DGAT1: variants seen among roughly 807,000 people sequenced by gnomAD.
DGAT1 encodes diacylglycerol O-acyltransferase 1, also known as ACAT related gene product 1.
In DGAT1, 60 loss-of-function variants were observed where a neutral mutation model predicts 72.6. That is an observed-to-expected ratio of 0.83 (90% CI 0.67 to 1.02). The LOEUF (loss-of-function observed/expected upper bound fraction) is 1.02, where lower values mean the gene tolerates loss of function less well. Ranked by LOEUF, DGAT1 falls within the 50% of genes least tolerant of loss-of-function variation. The pLI, the probability that DGAT1 is intolerant of heterozygous loss-of-function variation, is 0.00. For missense variants in DGAT1, 592 were observed against 670.0 expected, an observed-to-expected ratio of 0.88 and a Z score of 1.29; for synonymous variants, 290 against 267.5, an observed-to-expected ratio of 1.08 and a Z score of -0.82.
At chr8:144,317,632 C>T (rs184637960) in intron 11 of DGAT1, 39 bp downstream of exon 11, 1 of 1,613,948 alleles carries the variant, frequency 6.2e-7, no homozygotes, top group Non-Finnish European at 8.5e-7. Flanking sequence ...CTGGTCACTC[C>T]CCAGCCACCC....
Position 144,314,637 on chromosome 8 carries a change from G to A in DGAT1, c.*1917C>T, listed in dbSNP as rs1002068617. On this transcript the variant is annotated 3_prime_UTR_variant, in exon 17 of 17. Coordinates refer to ENST00000528718, the MANE Select transcript of DGAT1 (RefSeq NM_012079.6). ...TTTTTACACAACTGTCCCGTTCCCC[G>A]CTCCACAGAGATACACAGATATATA... 1.5e-4 allele frequency: 65 copies of A among 432,128 alleles called. No homozygotes were observed. The highest frequency in any genetic ancestry group is 9.6e-4 in the African/African-American group (49 of 50,844). 26.8% of individuals were successfully genotyped at this position (432,128 alleles called of 1,614,324 possible).
chr8:144,324,764 A>G (rs1299589191), intron 1 of DGAT1, among the ~76,000 whole-genome samples: 1 of 151,766 alleles, frequency 6.6e-6, no homozygotes, highest in Non-Finnish European at 1.5e-5. Flanking sequence ...CTCATCTCAC[A>G]CTAAAAAAAA....
rs1554848796 is a variant in DGAT1, at chr8:144,326,490, CG to C, written c.146del (p.Pro49ArgfsTer18). On this transcript the variant is annotated frameshift_variant, in exon 1 of 17. Coordinates refer to ENST00000528718, the MANE Select transcript of DGAT1 (RefSeq NM_012079.6). LOFTEE classifies it high-confidence loss of function. Reference protein sequence around the residue: ...DVGAAGDAPAPAPNKDGDAGV... With the variant: ...DVGAAGDAPAXAPNKDGDAGV... Reference sequence around the variant, plus strand: ...CGGCGTCTCCGTCCTTGTTGGGGGCCGGGGCTGGCGCGTCCCCCGCGGCTCC... The same window carrying C: ...CGGCGTCTCCGTCCTTGTTGGGGGCCGGGCTGGCGCGTCCCCCGCGGCTCC... The C allele has an allele frequency of 3.1e-6, 4 of 1,290,750 alleles. No individual in the cohort carries two copies. The highest frequency in any genetic ancestry group is 2.3e-5 in the South Asian group (1 of 42,748). 80.0% of individuals were successfully genotyped at this position (1,290,750 alleles called of 1,614,324 possible). A position where few individuals can be genotyped will look rare whatever the true frequency, so the allele number is the denominator to read the frequency against.
chr8:144,318,868 G>A lies in DGAT1; in HGVS notation c.382C>T (p.Pro128Ser). 6.2e-7 allele frequency: 1 copy of A among 1,612,012 alleles called. No homozygotes were observed. The highest frequency in any genetic ancestry group is 8.5e-7 in the Non-Finnish European group (1 of 1,179,148). The change falls in exon 4 of 17, where the codon CCC becomes TCC. Residue 128 changes from proline to serine, a missense_variant. Physicochemically the swap from Pro to Ser is moderately conservative, Grantham distance 74. Coordinates refer to ENST00000528718, the MANE Select transcript of DGAT1 (RefSeq NM_012079.6). ...IQVVSLFLKDPYSWPAPCLVI... is the reference protein window; with the variant it reads ...IQVVSLFLKDSYSWPAPCLVI... ...AGGCATGGGGCGGGCCAGCTATAGG[G>A]ATCCTTCAGGAACAGAGAAACCACC...
rs1817357571 is a variant in DGAT1 at position 144,318,976 on chromosome 8, G to A, written c.329+52C>T. ...GTGGCAGGTGGGGCTGTGGGGCGGG[G>A]CCTGGACAGGCCATGGGTGGGGCAG... is the stretch of plus-strand genomic sequence containing the variant. On this transcript the variant is annotated intron_variant, in intron 3 of 16. Transcript: ENST00000528718. 1.4e-5 allele frequency: 20 copies of A among 1,421,104 alleles called. No homozygotes were observed. The South Asian group carries it at 2.2e-4, about 15-fold the overall frequency. The allele number at this position is 1,421,104 out of a possible 1,614,324, so 88.0% of individuals were successfully genotyped here. A position where few individuals can be genotyped will look rare whatever the true frequency, so the allele number is the denominator to read the frequency against.
At position 144,314,630 on chromosome 8, in the gene DGAT1, G is replaced by A. The variant is rs782044586; in HGVS notation, c.*1924C>T. On this transcript the variant is annotated 3_prime_UTR_variant, in exon 17 of 17. Coordinates refer to ENST00000528718, the MANE Select transcript of DGAT1 (RefSeq NM_012079.6). The stretch of plus-strand genomic sequence containing the variant: ...TTTTGGATTTTTACACAACTGTCCC[G>A]TTCCCCGCTCCACAGAGATACACAG... 46 of 460,496 alleles carry A rather than the reference G, an allele frequency of 1.0e-4. No homozygotes were observed. The highest frequency in any genetic ancestry group is 6.0e-4 in the Middle Eastern group (1 of 1,666). 28.5% of individuals were successfully genotyped at this position (460,496 alleles called of 1,614,324 possible).
In DGAT1 at chr8:144,318,486, G is replaced by C; in HGVS notation, c.549C>G (p.Val183=). The C allele has an allele frequency of 1.2e-6, 2 of 1,611,472 alleles. No individual in the cohort carries two copies. The highest frequency in any genetic ancestry group is 4.5e-5 in the East Asian group (2 of 44,874). Residue 183 remains valine (V), a synonymous_variant, in exon 6 of 17, where the codon GTC becomes GTG. Transcript: ENST00000528718. ...CTGGAGTGATAGACTCAACCAGTAA[G>C]ACCACAGCCGCTGGGAAACACAGAA... ...ATILCFPAAV[V]LLVESITPVG... is the part of the protein sequence containing the mutation.
At chr8:144,325,135 G>A (rs537791030) in intron 1 of DGAT1, among the ~76,000 whole-genome samples, 28 of 151,776 alleles carry the variant, frequency 1.8e-4, no homozygotes, top group Admixed American at 1.4e-3. Context: ...CCATCCCCCT[G>A]CCTCCTGGAG....
chr8:144,317,655 C>T lies in DGAT1; in HGVS notation c.936+16G>A. On this transcript the variant is annotated intron_variant, in intron 11 of 16. Coordinates refer to ENST00000528718, the MANE Select transcript of DGAT1 (RefSeq NM_012079.6). Reference sequence around the variant, plus strand: ...TCCCCAGCCACCCCAGCTGCAAGAGCACCTGAGCCACTCACCTTGAAGGGC... The same window carrying T: ...TCCCCAGCCACCCCAGCTGCAAGAGTACCTGAGCCACTCACCTTGAAGGGC... 1 of 1,613,876 alleles carries T rather than the reference C, an allele frequency of 6.2e-7. No individual in the cohort carries two copies.
In DGAT1 at chr8:144,326,667, C is replaced by G; in HGVS notation, c.-31G>C. 1 of 1,170,544 alleles carries G rather than the reference C, an allele frequency of 8.5e-7. No homozygotes were observed. Among genetic ancestry groups the G allele is most frequent in the Non-Finnish European group, 1.1e-6 (1 of 948,560 alleles). The allele number at this position is 1,170,544 out of a possible 1,614,324, so 72.5% of individuals were successfully genotyped here. On this transcript the variant is annotated 5_prime_UTR_variant, in exon 1 of 17. Transcript: ENST00000528718. ...CAGCCCGCACCCGGCCGCAGCCAAG[C>G]GTGGGCCCGCCGGGTTCGTAGCGCC...
intron 2 of DGAT1, among the ~76,000 whole-genome samples, chr8:144,319,314 A>T (rs536855776): frequency 2.0e-4 from 31 of 152,298 alleles, no homozygotes; most frequent in Non-Finnish European, 4.1e-4. Context: ...TCCCACATGG[A>T]GGGAACCAAC....
At position 144,315,001 on chromosome 8, in the gene DGAT1, G is replaced by T; in HGVS notation, c.*1553C>A. ...CCAAGGTGTTCGCACTCGGACAGGTGATGCGGGGCGGGCACACTGTCTTTC... is the reference window on the plus strand; with the variant it reads ...CCAAGGTGTTCGCACTCGGACAGGTTATGCGGGGCGGGCACACTGTCTTTC... On this transcript the variant is annotated 3_prime_UTR_variant, in exon 17 of 17. Transcript: ENST00000528718. The T allele has an allele frequency of 1.0e-6, 1 of 985,822 alleles. No individual in the cohort carries two copies. The highest frequency in any genetic ancestry group is 4.7e-5 in the South Asian group (1 of 21,298). The allele number at this position is 985,822 out of a possible 1,614,324, so 61.1% of individuals were successfully genotyped here. A position where few individuals can be genotyped will look rare whatever the true frequency, so the allele number is the denominator to read the frequency against.
In DGAT1 at chr8:144,317,164, A is replaced by T. The variant is rs1299990150; in HGVS notation, c.1160+23T>A. ...CAGGTTCACAGCCATGTTCCACATC[A>T]CACACACACACACCCCACCTACCTG... On this transcript the variant is annotated intron_variant, in intron 14 of 16. Transcript: ENST00000528718. The T allele has an allele frequency of 5.8e-6, 9 of 1,549,984 alleles. No individual in the cohort carries two copies. The African/African-American group carries it at 6.8e-5, about 12-fold the overall frequency.
chr8:144,316,821 G>T, intron 16 of DGAT1, 32 bp downstream of exon 16: 1 of 1,602,696 alleles, frequency 6.2e-7, no homozygotes. Context: ...GGGTAACTGG[G>T]CGAGTGAGGA....
At position 144,316,924 on chromosome 8, in the gene DGAT1, G is replaced by A. The variant is rs782394462; in HGVS notation, c.1249-9C>T. On this transcript the variant is annotated splice_polypyrimidine_tract_variant and intron_variant, in intron 15 of 16. Transcript: ENST00000528718. ...GGGACGCTCACCAGGTACTGAGATGGGAGGGAGAGAGGATGCCAGGGAGTG... is the reference window on the plus strand; with the variant it reads ...GGGACGCTCACCAGGTACTGAGATGAGAGGGAGAGAGGATGCCAGGGAGTG... The A allele has an allele frequency of 1.9e-4, 306 of 1,612,512 alleles. No individual in the cohort carries two copies. The highest frequency in any genetic ancestry group is 2.6e-4 in the Non-Finnish European group (301 of 1,179,802).
intron 12 of DGAT1, 35 bp downstream of exon 12, chr8:144,317,509 C>T: frequency 1.2e-6 from 2 of 1,613,840 alleles, no homozygotes; most frequent in Non-Finnish European, 1.7e-6. Context: ...ACTGTCCCCT[C>T]CTGTCCTGTG....
chr8:144,316,997 G>T, intron 15 of DGAT1, 25 bp downstream of exon 15: 1 of 1,611,310 alleles, frequency 6.2e-7, no homozygotes, highest in Non-Finnish European at 8.5e-7. Context: ...CAGGGATGAG[G>T]CAAGATGCCC....
chr8:144,323,760 C>T (rs782268944), intron 1 of DGAT1, among the ~76,000 whole-genome samples: 15 of 152,340 alleles, frequency 9.8e-5, no homozygotes, highest in Non-Finnish European at 1.8e-4. Flanking sequence ...CACATGCCCA[C>T]CCGCCACCCT....
chr8:144,319,080 G>A lies in DGAT1; in HGVS notation c.289-12C>T. 1.9e-6 allele frequency: 3 copies of A among 1,552,800 alleles called. No homozygotes were observed. Among genetic ancestry groups the A allele is most frequent in the Non-Finnish European group, 1.7e-6 (2 of 1,147,870 alleles). On this transcript the variant is annotated splice_polypyrimidine_tract_variant and intron_variant, in intron 2 of 16. Transcript: ENST00000528718. ...GCATTGCTCAAGATCTGCGAGGGAT[G>A]GACAGGAGGGTGCAGCCCCTTTAGT...
Sources: gnomAD v4.1 joint callset for allele counts (sites outside exome capture counted in the v4.1 genomes callset) on GRCh38, gnomAD v4.1.1 for gene constraint, MANE v1.5 for transcripts, NCBI Gene and HGNC (gene_info 2026-07-23, HGNC 2026-07-21) for gene names.